CACNA2D3: variants seen among roughly 807,000 people sequenced by gnomAD.
CACNA2D3 encodes voltage-dependent calcium channel subunit alpha-2/delta-3.
In CACNA2D3, 60 loss-of-function variants were observed where a neutral mutation model predicts 160.6. The observed-to-expected ratio is 0.37, with a 90% CI of 0.30 to 0.46. The LOEUF is 0.46. Ranked by LOEUF, CACNA2D3 falls within the 20% of genes least tolerant of loss-of-function variation. CACNA2D3 has a pLI of 1.00. For synonymous variants in CACNA2D3, 558 were observed against 492.9 expected (o/e 1.13, Z -1.75); for missense variants, 1,205 against 1,365.0 (o/e 0.88, Z 1.85).
intron 9 of CACNA2D3, among the ~76,000 whole-genome samples, chr3:54,613,488 G>A (rs906352955): frequency 6.6e-6 from 1 of 152,136 alleles, no homozygotes; most frequent in African/African-American, 2.4e-5. Context: ...CTCTTGCCTT[G>A]TTCTTTGAGG....
intron 34 of CACNA2D3, among the ~76,000 whole-genome samples, chr3:55,014,211 A>T (rs2107151551): frequency 6.6e-6 from 1 of 152,310 alleles, no homozygotes; most frequent in East Asian, 1.9e-4. Context: ...GGCATGTAGT[A>T]AGTGCATAGT....
intron 4 of CACNA2D3, among the ~76,000 whole-genome samples, chr3:54,436,430 A>G (rs1700060589): frequency 6.6e-6 from 1 of 152,220 alleles, no homozygotes; most frequent in South Asian, 2.1e-4. Flanking sequence ...ATTACTGGGT[A>G]TATACCCAAA....
chr3:54,371,610 C>T (rs1698927427), intron 3 of CACNA2D3, among the ~76,000 whole-genome samples: 1 of 152,134 alleles, frequency 6.6e-6, no homozygotes, highest in African/African-American at 2.4e-5. Context: ...CTCCAATTTC[C>T]ATCACTCAAG....
At chr3:54,682,349 G>T (rs903203214) in intron 11 of CACNA2D3, among the ~76,000 whole-genome samples, 5 of 152,224 alleles carry the variant, frequency 3.3e-5, no homozygotes. Context: ...GAATTAGCCC[G>T]GGCGTGGTGG....
intron 2 of CACNA2D3, among the ~76,000 whole-genome samples, chr3:54,214,838 A>G (rs954692407): frequency 1.1e-4 from 17 of 152,228 alleles, no homozygotes; most frequent in African/African-American, 4.1e-4. Context: ...CGTGCTCACC[A>G]TGGTTCTTCC....
intron 11 of CACNA2D3, among the ~76,000 whole-genome samples, chr3:54,729,993 C>T (rs1007088848): frequency 2.9e-4 from 29 of 100,788 alleles, no homozygotes; most frequent in African/African-American, 1.0e-3. Flanking sequence ...AGCAAGACTC[C>T]ATCTCAAAAA....
At chr3:54,146,413 G>A (rs1435196818) in intron 2 of CACNA2D3, among the ~76,000 whole-genome samples, 2 of 152,226 alleles carry the variant, frequency 1.3e-5, no homozygotes, top group Non-Finnish European at 1.5e-5. Context: ...GAACAATGCT[G>A]CTCTCTTTCC....
intron 2 of CACNA2D3, chr3:54,177,856 T>C: frequency 6.6e-6 from 1 of 152,180 alleles, no homozygotes; most frequent in East Asian, 1.9e-4. Flanking sequence ...ATGAGCAATG[T>C]ATACTCTTGA....
chr3:54,516,446 G>C (rs1453416929), intron 5 of CACNA2D3, among the ~76,000 whole-genome samples: 1 of 151,990 alleles, frequency 6.6e-6, no homozygotes, highest in Non-Finnish European at 1.5e-5. Context: ...TTCTGGAGTG[G>C]TTTCTACTTC....
intron 27 of CACNA2D3, chr3:54,924,556 C>T: frequency 7.6e-7 from 1 of 1,322,206 alleles, no homozygotes; most frequent in Admixed American, 1.8e-5. Context: ...ATGCAGAGAA[C>T]AGATGAGATT....
chr3:54,362,464 T>A (rs1698759128), intron 3 of CACNA2D3, among the ~76,000 whole-genome samples: 2 of 152,128 alleles, frequency 1.3e-5, no homozygotes, highest in South Asian at 4.1e-4. Context: ...TATCACCTAA[T>A]TGAGGGGTCG....
At chr3:54,394,665 A>C (rs1170717079) in intron 4 of CACNA2D3, among the ~76,000 whole-genome samples, 1 of 115,562 alleles carries the variant, frequency 8.7e-6, no homozygotes, top group Non-Finnish European at 1.8e-5. Flanking sequence ...ATGGCTGTAT[A>C]GTATTCCATG....
At chr3:54,577,274 C>T (rs1364030175) in intron 8 of CACNA2D3, among the ~76,000 whole-genome samples, 1 of 152,124 alleles carries the variant, frequency 6.6e-6, no homozygotes, top group African/African-American at 2.4e-5. Context: ...TGCCTTCCTG[C>T]GTGGGGATTT....
At chr3:55,028,312 G>A (rs1703608880) in intron 35 of CACNA2D3, among the ~76,000 whole-genome samples, 1 of 152,152 alleles carries the variant, frequency 6.6e-6, no homozygotes, top group African/African-American at 2.4e-5. Flanking sequence ...GGTTTATTAA[G>A]AATGCAGGAG....
At chr3:54,614,620 A>G (rs1041870131) in intron 9 of CACNA2D3, among the ~76,000 whole-genome samples, 2 of 152,158 alleles carry the variant, frequency 1.3e-5, no homozygotes, top group Non-Finnish European at 2.9e-5. Context: ...TGTATGCTCA[A>G]GGAAAATACA....
chr3:54,942,456 T>C (rs557389623), intron 27 of CACNA2D3, among the ~76,000 whole-genome samples: 8 of 152,350 alleles, frequency 5.3e-5, no homozygotes, highest in Non-Finnish European at 1.2e-4. Flanking sequence ...GGCCTGAATC[T>C]TGAGGCTGGG....
At chr3:54,347,495 T>C (rs1698480609) in intron 3 of CACNA2D3, among the ~76,000 whole-genome samples, 1 of 152,236 alleles carries the variant, frequency 6.6e-6, no homozygotes, top group South Asian at 2.1e-4. Flanking sequence ...CTCAGCTTTC[T>C]GCTGCTCATG....
intron 2 of CACNA2D3, among the ~76,000 whole-genome samples, chr3:54,299,399 G>A (rs549127538): frequency 2.0e-5 from 3 of 152,286 alleles, no homozygotes; most frequent in East Asian, 1.9e-4. Flanking sequence ...GAGTGTTTGC[G>A]CAAGTCTGGG....
At chr3:54,202,019 CA>C (rs1285632370) in intron 2 of CACNA2D3, among the ~76,000 whole-genome samples, 1 of 152,150 alleles carries the variant, frequency 6.6e-6, no homozygotes, top group Non-Finnish European at 1.5e-5. Flanking sequence ...AGATAAATAA[CA>C]CATAATTTTG....
Sources: gnomAD v4.1 joint callset for allele counts (sites outside exome capture counted in the v4.1 genomes callset) on GRCh38, gnomAD v4.1.1 for gene constraint, MANE v1.5 for transcripts, NCBI Gene and HGNC (gene_info 2026-07-23, HGNC 2026-07-21) for gene names.